CDH18: variants seen among roughly 807,000 people sequenced by gnomAD.
CDH18 encodes the protein cadherin-18.
A neutral mutation model predicts 67.9 loss-of-function variants in CDH18; 31 were observed. The ratio of observed to expected loss-of-function variants is 0.46; its 90% CI spans 0.34 to 0.62. The LOEUF is 0.62. CDH18 is among the 20% of genes least tolerant of loss of function. CDH18 has a pLI of 0.01. For missense variants in CDH18, 890 were observed against 975.5 expected, an observed-to-expected ratio of 0.91 and a Z score of 1.17; for synonymous variants, 362 against 347.2, an observed-to-expected ratio of 1.04 and a Z score of -0.48.
At chr5:20,401,413 T>C (rs1745762727) in intron 1 of CDH18, among the ~76,000 whole-genome samples, 1 of 152,188 alleles carries the variant, frequency 6.6e-6, no homozygotes, top group Admixed American at 6.5e-5. Context: ...ATACAAATGT[T>C]GAGTTTCCAA....
intron 1 of CDH18, among the ~76,000 whole-genome samples, chr5:20,352,555 C>T (rs755960202): frequency 4.1e-5 from 6 of 145,196 alleles, no homozygotes; most frequent in Non-Finnish European, 5.9e-5. Flanking sequence ...TCCAGGTGGG[C>T]GGATCAAGAG....
At chr5:20,531,858 A>G (rs1274946669) in intron 1 of CDH18, among the ~76,000 whole-genome samples, 1 of 152,130 alleles carries the variant, frequency 6.6e-6, no homozygotes, top group Admixed American at 6.6e-5. Context: ...GCAAACCTAC[A>G]CATTCTGCAC....
intron 1 of CDH18, among the ~76,000 whole-genome samples, chr5:20,510,457 C>A (rs1754964165): frequency 6.6e-6 from 1 of 152,018 alleles, no homozygotes; most frequent in African/African-American, 2.4e-5. Flanking sequence ...CCTCTTTTTT[C>A]AGGCTGAATA....
At chr5:19,716,382 G>A (rs1394302423) in intron 5 of CDH18, among the ~76,000 whole-genome samples, 2 of 151,810 alleles carry the variant, frequency 1.3e-5, no homozygotes, top group African/African-American at 2.4e-5. Context: ...TATAATTTAC[G>A]CTATATTTAT....
intron 12 of CDH18, among the ~76,000 whole-genome samples, chr5:19,475,162 CAATT>C (rs1353467639): frequency 6.6e-6 from 1 of 151,638 alleles, no homozygotes; most frequent in Admixed American, 6.6e-5. Flanking sequence ...GCAGGATTCT[CAATT>C]AAACGTGAAT....
Position 20,066,515 on chromosome 5 carries a change from C to T in CDH18, c.-517-74501G>A, listed in dbSNP as rs980115476. Among the ~76,000 whole-genome samples the T allele has an allele frequency of 3.8e-4, 58 of 152,136 alleles. 1 individual carries two copies. The highest frequency in any genetic ancestry group is 1.3e-3 in the African/African-American group (54 of 41,534). On this transcript the variant is annotated intron_variant, in intron 2 of 14. Coordinates refer to the CDH18 transcript ENST00000507958. ...AATCATATCTACCTAGAGAAGGTTACTTTCAAAGGACTACCATTAAGGTGG... is the reference window on the plus strand; with the variant it reads ...AATCATATCTACCTAGAGAAGGTTATTTTCAAAGGACTACCATTAAGGTGG...
intron 1 of CDH18, among the ~76,000 whole-genome samples, chr5:20,516,586 T>C (rs1755385357): frequency 6.6e-6 from 1 of 152,008 alleles, no homozygotes; most frequent in South Asian, 2.1e-4. Flanking sequence ...GGGATAAGAA[T>C]GCAGCACAGA....
intron 3 of CDH18, among the ~76,000 whole-genome samples, chr5:19,772,071 A>G (rs1273067355): frequency 2.0e-5 from 3 of 152,162 alleles, no homozygotes; most frequent in Non-Finnish European, 4.4e-5. Context: ...ATTTTTCTCT[A>G]AGATGATCGA....
chr5:20,220,246 GC>G (rs1741118288), intron 2 of CDH18, among the ~76,000 whole-genome samples: 1 of 151,772 alleles, frequency 6.6e-6, no homozygotes, highest in African/African-American at 2.4e-5. Flanking sequence ...TATATAGTAA[GC>G]AAAACAACAA....
At chr5:20,239,856 T>C (rs1340494346) in intron 2 of CDH18, among the ~76,000 whole-genome samples, 1 of 151,990 alleles carries the variant, frequency 6.6e-6, no homozygotes, top group African/African-American at 2.4e-5. Context: ...TAAGAAATTA[T>C]TATCTGGCTA....
At chr5:19,506,603 T>A (rs1021281553) in intron 10 of CDH18, among the ~76,000 whole-genome samples, 12 of 150,434 alleles carry the variant, frequency 8.0e-5, no homozygotes, top group Non-Finnish European at 1.5e-4. Context: ...GAAATAATGC[T>A]GCATATCTAC....
intron 1 of CDH18, among the ~76,000 whole-genome samples, chr5:20,527,667 A>G (rs1561097067): frequency 6.6e-6 from 1 of 152,112 alleles, no homozygotes; most frequent in African/African-American, 2.4e-5. Flanking sequence ...ACTCAGCTTT[A>G]TAAGAGAAGG....
chr5:19,538,167 T>C (rs564583910), intron 9 of CDH18, among the ~76,000 whole-genome samples: 9 of 152,130 alleles, frequency 5.9e-5, no homozygotes, highest in Non-Finnish European at 1.0e-4. Context: ...GAAAGTTTAT[T>C]ATCCAGTAAG....
At chr5:20,390,465 G>A (rs529658107) in intron 1 of CDH18, among the ~76,000 whole-genome samples, 15 of 152,124 alleles carry the variant, frequency 9.9e-5, no homozygotes, top group South Asian at 2.1e-4. Context: ...TTAGAATGGC[G>A]ATCATTAAAA....
At chr5:19,903,585 C>G (rs1790187367) in intron 2 of CDH18, among the ~76,000 whole-genome samples, 1 of 121,174 alleles carries the variant, frequency 8.3e-6, no homozygotes, top group Non-Finnish European at 1.8e-5. Context: ...CCTCAGCCCT[C>G]ATGCCAGTCC....
intron 5 of CDH18, among the ~76,000 whole-genome samples, chr5:19,673,819 T>C (rs1009567665): frequency 3.9e-5 from 6 of 152,106 alleles, no homozygotes; most frequent in African/African-American, 1.4e-4. Context: ...TTGTCTCCTT[T>C]TTACAGGGAA....
intron 3 of CDH18, among the ~76,000 whole-genome samples, chr5:19,838,302 G>GA (rs1297715389): frequency 3.3e-5 from 5 of 152,006 alleles, no homozygotes. Flanking sequence ...TATGATATTA[G>GA]AAAATATGTG....
chr5:19,765,267 C>A (rs942987365), intron 3 of CDH18, among the ~76,000 whole-genome samples: 1 of 152,030 alleles, frequency 6.6e-6, no homozygotes, highest in African/African-American at 2.4e-5. Flanking sequence ...GCTCAGTGAG[C>A]AAGTAAGAGT....
intron 2 of CDH18, among the ~76,000 whole-genome samples, chr5:20,001,673 T>C (rs752959971): frequency 6.6e-6 from 1 of 152,212 alleles, no homozygotes. Flanking sequence ...TTCCTTTTTT[T>C]ACTGCAAGTC....
Sources: gnomAD v4.1 joint callset for allele counts (sites outside exome capture counted in the v4.1 genomes callset) on GRCh38, gnomAD v4.1.1 for gene constraint, MANE v1.5 for transcripts, NCBI Gene and HGNC (gene_info 2026-07-23, HGNC 2026-07-21) for gene names.